The following ZNF766 variants were observed in gnomAD, a reference collection of about 807,000 sequenced individuals.
The protein encoded by ZNF766 is zinc finger protein 766.
ZNF766 carries 13 observed loss-of-function variants against 13.2 expected under a neutral mutation model. The observed-to-expected ratio is 0.98, with a 90% CI of 0.64 to 1.56. The LOEUF is 1.56. ZNF766 is among the 40% of genes most tolerant of loss of function. The probability of loss-of-function intolerance (pLI) is 0.00; values close to 1 mark genes in which losing one functional copy is unlikely to be tolerated. For missense variants in ZNF766, 521 were observed against 552.2 expected, an observed-to-expected ratio of 0.94 and a Z score of 0.57; for synonymous variants, 178 against 187.6, an observed-to-expected ratio of 0.95 and a Z score of 0.42.
In ZNF766 at chr19:52,269,607, T is replaced by TGGAGATATGGCGC. The variant is rs1568614572; in HGVS notation, c.-6_7dup. 2 of 1,612,230 alleles carry TGGAGATATGGCGC rather than the reference T, an allele frequency of 1.2e-6. No individual in the cohort carries two copies. The highest frequency in any genetic ancestry group is 1.7e-6 in the Non-Finnish European group (2 of 1,179,448). On this transcript the variant is annotated 5_prime_UTR_variant, in exon 1 of 4. The change creates a new upstream start codon in the 5' untranslated region. Transcript: ENST00000439461. Reference sequence around the variant, plus strand: ...CCTGCAGACCCGGAAGTGGATGGCGTGGAGATATGGCGCAACTGCGGCGCG... The same window carrying TGGAGATATGGCGC: ...CCTGCAGACCCGGAAGTGGATGGCGTGGAGATATGGCGCGGAGATATGGCGCAACTGCGGCGCG...
chr19:52,287,773 T>G (rs1392567631), intron 3 of ZNF766, among the ~76,000 whole-genome samples: 1 of 152,198 alleles, frequency 6.6e-6, no homozygotes, highest in African/African-American at 2.4e-5. Context: ...ATATAATTGT[T>G]GAGTCTCATT....
At chr19:52,285,073 A>G (rs1433602958) in intron 3 of ZNF766, 1 of 152,058 alleles carries the variant, frequency 6.6e-6, no homozygotes, top group Admixed American at 6.6e-5. Flanking sequence ...TGGGCTTTCT[A>G]TACCTGCAGA....
chr19:52,281,318 A>G, intron 1 of ZNF766: 1 of 229,470 alleles, frequency 4.4e-6, no homozygotes. Context: ...CAGGAGTTCA[A>G]GACCAGCCTG....
At chr19:52,288,335 C>G (rs986515000) in intron 3 of ZNF766, among the ~76,000 whole-genome samples, 5 of 151,318 alleles carry the variant, frequency 3.3e-5, no homozygotes, top group African/African-American at 1.2e-4. Context: ...TCATTTTTTT[C>G]TTTATTGAGA....
intron 1 of ZNF766, among the ~76,000 whole-genome samples, chr19:52,279,205 G>C (rs1258937593): frequency 6.6e-6 from 1 of 152,030 alleles, no homozygotes; most frequent in Non-Finnish European, 1.5e-5. Context: ...CTTATTTCTG[G>C]GCTGACTATT....
intron 2 of ZNF766, 196 bp downstream of exon 2, chr19:52,282,433 C>T (rs1427063638): frequency 9.0e-6 from 4 of 442,462 alleles, no homozygotes; most frequent in East Asian, 5.9e-5. Context: ...GTCAGGAGTT[C>T]GAGACCAACC....
chr19:52,281,817 T>C (rs779799859), intron 1 of ZNF766: 1 of 525,634 alleles, frequency 1.9e-6, no homozygotes, highest in East Asian at 5.2e-5. Flanking sequence ...ATTCATTGTC[T>C]ACCTGAGCTA....
At position 52,293,512 on chromosome 19, in the gene ZNF766, G is replaced by A. The variant is rs1982238409; in HGVS notation, c.*2314G>A. 6.6e-6 allele frequency: 1 copy of A among 152,122 alleles called. No homozygotes were observed. Among genetic ancestry groups the A allele is most frequent in the Non-Finnish European group, 1.5e-5 (1 of 68,038 alleles). The allele number at this position is 152,122 out of a possible 1,614,324, so 9.4% of individuals were successfully genotyped here. On this transcript the variant is annotated 3_prime_UTR_variant, in exon 4 of 4. Coordinates refer to ENST00000439461, the MANE Select transcript of ZNF766 (RefSeq NM_001010851.3). ...GTTGAAGCATCCACAACAATTTTGTGTGTGAAATGAAATGACATGCACTTT... is the reference window on the plus strand; with the variant it reads ...GTTGAAGCATCCACAACAATTTTGTATGTGAAATGAAATGACATGCACTTT...
chr19:52,275,676 CT>C (rs201395857), intron 1 of ZNF766: 49,409 of 135,434 alleles, frequency 0.36, 7,818 homozygotes, highest in African/African-American at 0.47. Flanking sequence ...TTTTTTCTTT[CT>C]TTTTTTTTTT....
At chr19:52,283,447 C>CTTTT (rs527871489) in intron 3 of ZNF766, 34 bp downstream of exon 3, 31 of 1,369,506 alleles carry the variant, frequency 2.3e-5, no homozygotes, top group Admixed American at 1.1e-4. Flanking sequence ...GAAAGCCACA[C>CTTTT]TTTTTTTTTT....
Position 52,292,562 on chromosome 19 carries a change from T to G in ZNF766, c.*1364T>G, listed in dbSNP as rs964041855. 3 of 181,878 alleles carry G rather than the reference T, an allele frequency of 1.6e-5. No homozygotes were observed. Among genetic ancestry groups the G allele is most frequent in the Non-Finnish European group, 2.3e-5 (2 of 87,966 alleles). 11.3% of individuals were successfully genotyped at this position (181,878 alleles called of 1,614,324 possible). ...AGACTGATTAAAAAGTACTCTGATT[T>G]TTCAAATGGAAGAGAGAACAGTTAA... is the stretch of plus-strand genomic sequence containing the variant. On this transcript the variant is annotated 3_prime_UTR_variant, in exon 4 of 4. Coordinates refer to ENST00000439461, the MANE Select transcript of ZNF766 (RefSeq NM_001010851.3).
chr19:52,277,454 G>C (rs1355003866), intron 1 of ZNF766: 2 of 1,542,010 alleles, frequency 1.3e-6, no homozygotes, highest in Non-Finnish European at 1.7e-6. Context: ...GTGAGACTCC[G>C]TCTCAAAAAA....
At position 52,292,268 on chromosome 19, in the gene ZNF766, T is replaced by C; in HGVS notation, c.*1070T>C. 1.5e-6 allele frequency: 1 copy of C among 688,908 alleles called. No homozygotes were observed. Among genetic ancestry groups the C allele is most frequent in the African/African-American group, 1.8e-5 (1 of 56,468 alleles). The allele number at this position is 688,908 out of a possible 1,614,324, so 42.7% of individuals were successfully genotyped here. On this transcript the variant is annotated 3_prime_UTR_variant, in exon 4 of 4. Coordinates refer to ENST00000439461, the MANE Select transcript of ZNF766 (RefSeq NM_001010851.3). Reference sequence around the variant, plus strand: ...GACACTGCCTTTTCAGATTAAAGATTGTCTGATTTAGAGACCATGGAGGTG... The same window carrying C: ...GACACTGCCTTTTCAGATTAAAGATCGTCTGATTTAGAGACCATGGAGGTG...
At chr19:52,270,728 T>C (rs1980939167) in intron 1 of ZNF766, among the ~76,000 whole-genome samples, 1 of 150,384 alleles carries the variant, frequency 6.6e-6, no homozygotes, top group African/African-American at 2.5e-5. Flanking sequence ...TTGGAGACAA[T>C]CAAAAGATTG....
intron 1 of ZNF766, chr19:52,275,717 C>G (rs1981163733): frequency 6.6e-6 from 1 of 151,008 alleles, no homozygotes; most frequent in African/African-American, 2.4e-5. Flanking sequence ...ACTCTGTCAC[C>G]CAGGCCGGAG....
At chr19:52,285,612 C>T (rs1981778107) in intron 3 of ZNF766, among the ~76,000 whole-genome samples, 1 of 152,222 alleles carries the variant, frequency 6.6e-6, no homozygotes, top group South Asian at 2.1e-4. Flanking sequence ...CTGGGCGTGC[C>T]ACTCTCCAGG....
At chr19:52,281,832 A>G (rs746694135) in intron 1 of ZNF766, 4 of 531,608 alleles carry the variant, frequency 7.5e-6, no homozygotes, top group South Asian at 5.8e-5. Context: ...GAGCTAGAAT[A>G]CAAGTAGTTG....
At chr19:52,275,010 C>T (rs1410069592) in intron 1 of ZNF766, among the ~76,000 whole-genome samples, 6 of 152,254 alleles carry the variant, frequency 3.9e-5, no homozygotes, top group South Asian at 4.2e-4. Context: ...ATGCATTATC[C>T]GCTCATAAGA....
intron 3 of ZNF766, among the ~76,000 whole-genome samples, chr19:52,286,250 G>A (rs992124500): frequency 4.7e-5 from 7 of 150,182 alleles, no homozygotes; most frequent in Admixed American, 4.6e-4. Flanking sequence ...GTTACCTTTC[G>A]GCTTTTTATA....
Sources: allele counts gnomAD v4.1 joint callset (sites outside exome capture counted in the v4.1 genomes callset), GRCh38; gene constraint gnomAD v4.1.1; transcripts MANE v1.5; gene names NCBI Gene and HGNC (gene_info 2026-07-23, HGNC 2026-07-21).